Variants in CCDC186 observed in about 807,000 individuals in gnomAD.
CCDC186 encodes the protein coiled-coil domain-containing protein 186.
CCDC186 carries 49 observed loss-of-function variants against 113.7 expected under a neutral mutation model. That is an observed-to-expected ratio of 0.43 (90% confidence interval 0.34 to 0.55). The LOEUF is 0.55. Ranked by LOEUF, CCDC186 falls within the 20% of genes least tolerant of loss-of-function variation. CCDC186 has a pLI of 0.02. For missense variants in CCDC186, 890 were observed against 1,011.1 expected, an observed-to-expected ratio of 0.88 and a Z score of 1.62; for synonymous variants, 355 against 345.8, an observed-to-expected ratio of 1.03 and a Z score of -0.30.
chr10:114,132,197 AT>A lies in CCDC186; in HGVS notation c.1656-14del, dbSNP rs2031111311. On this transcript the variant is annotated splice_polypyrimidine_tract_variant and intron_variant, in intron 10 of 15. Transcript: ENST00000369287. The stretch of plus-strand genomic sequence containing the variant: ...TTCTTGCTTACCTCTAAAACACAAA[AT>A]TTATATTTAAGAAAAAATAAACCAT... The A allele has an allele frequency of 2.0e-6, 3 of 1,506,006 alleles. No homozygotes were observed. The highest frequency in any genetic ancestry group is 2.7e-6 in the Non-Finnish European group (3 of 1,112,966). The allele number at this position is 1,506,006 out of a possible 1,614,324, so 93.3% of individuals were successfully genotyped here.
intron 3 of CCDC186, among the ~76,000 whole-genome samples, chr10:114,154,960 T>TA (rs1309991673): frequency 6.6e-6 from 1 of 152,178 alleles, no homozygotes; most frequent in Non-Finnish European, 1.5e-5. Context: ...AACACTATGT[T>TA]AAATAAAAGA....
chr10:114,161,555 G>A lies in CCDC186; in HGVS notation c.632+1082C>T, dbSNP rs1001426230. On this transcript the variant is annotated intron_variant, in intron 2 of 15. Transcript: ENST00000369287. Reference sequence around the variant, plus strand: ...TCTAAAAGAATAGGTACAGGCTACAGGAAAATGAGAAAGTTACCCTATAAA... The same window carrying A: ...TCTAAAAGAATAGGTACAGGCTACAAGAAAATGAGAAAGTTACCCTATAAA... 2.6e-5 allele frequency: 4 copies of A among 152,128 alleles called. No individual in the cohort carries two copies. The South Asian group carries it at 8.3e-4, about 31-fold the overall frequency. The allele number at this position is 152,128 out of a possible 1,614,324, so 9.4% of individuals were successfully genotyped here.
chr10:114,137,021 G>A (rs937908131), intron 7 of CCDC186, among the ~76,000 whole-genome samples, 165 bp downstream of exon 7: 1 of 152,084 alleles, frequency 6.6e-6, no homozygotes, highest in Non-Finnish European at 1.5e-5. Flanking sequence ...GGAGGCTGGG[G>A]CAGGAGAATC....
chr10:114,148,406 C>A (rs1361808562), intron 4 of CCDC186, among the ~76,000 whole-genome samples: 1 of 152,072 alleles, frequency 6.6e-6, no homozygotes, highest in Non-Finnish European at 1.5e-5. Flanking sequence ...GGAAGACAGG[C>A]CAATTAAGGT....
chr10:114,136,195 T>C lies in CCDC186; in HGVS notation c.1378A>G (p.Lys460Glu), dbSNP rs201189333. The C allele has an allele frequency of 1.2e-6, 2 of 1,612,982 alleles. No individual in the cohort carries two copies. The highest frequency in any genetic ancestry group is 1.7e-6 in the Non-Finnish European group (2 of 1,179,890). The change falls in exon 8 of 16, where the codon AAA (lysine) becomes GAA (glutamate). Residue 460 changes from lysine (K) to glutamate (E), a missense_variant. Physicochemically the swap from Lys to Glu is moderately conservative, Grantham distance 56. Transcript: ENST00000369287. ...NELDAKLRVT[K>E]GELEKQMQEK... ...TGCATTTGTTTTTCAAGTTCTCCTT[T>C]TGTGACTCTAAGCTTTGCATCAAGC...
intron 1 of CCDC186, among the ~76,000 whole-genome samples, chr10:114,163,616 A>T (rs2032244708): frequency 6.6e-6 from 1 of 152,162 alleles, no homozygotes; most frequent in Non-Finnish European, 1.5e-5. Context: ...TCATCCCCAT[A>T]AGATGTTAGG....
intron 1 of CCDC186, 42 bp downstream of exon 1, chr10:114,173,973 C>T (rs1223147969): frequency 4.3e-6 from 2 of 464,976 alleles, no homozygotes; most frequent in Non-Finnish European, 4.4e-6. Flanking sequence ...GCACCGCCAC[C>T]GCGACTCACC....
chr10:114,128,755 T>G (rs1366415741), intron 13 of CCDC186, among the ~76,000 whole-genome samples: 3 of 152,196 alleles, frequency 2.0e-5, no homozygotes, highest in Admixed American at 6.5e-5. Context: ...AATCATAATT[T>G]TATAGACTCT....
chr10:114,173,883 G>C, intron 1 of CCDC186, 132 bp downstream of exon 1: 1 of 362,202 alleles, frequency 2.8e-6, no homozygotes, highest in Admixed American at 3.3e-5. Context: ...GAGCCCGCTC[G>C]ACCTCGACCT....
rs139675826 is a variant in CCDC186 at position 114,170,677 on chromosome 10, G to A, written c.-62+3338C>T. 9.2e-5 allele frequency among the ~76,000 whole-genome samples: 14 copies of A among 152,198 alleles called. No homozygotes were observed. In the East Asian group the frequency reaches 2.7e-3, roughly 29 times the overall value. Reference sequence around the variant, plus strand: ...AGTGAAACAGCATTAGAATAAAAAAGTTTCCTTTAGTTCACCAGTTTGAAA... The same window carrying A: ...AGTGAAACAGCATTAGAATAAAAAAATTTCCTTTAGTTCACCAGTTTGAAA... On this transcript the variant is annotated intron_variant, in intron 1 of 15. Coordinates refer to ENST00000369287, the MANE Select transcript of CCDC186 (RefSeq NM_018017.4).
At chr10:114,136,685 T>C (rs1337620750) in intron 7 of CCDC186, among the ~76,000 whole-genome samples, 1 of 152,216 alleles carries the variant, frequency 6.6e-6, no homozygotes, top group Non-Finnish European at 1.5e-5. Context: ...TTTTATTTGT[T>C]GGAAAAGTTC....
At chr10:114,139,899 G>A (rs967728828) in intron 6 of CCDC186, among the ~76,000 whole-genome samples, 2 of 152,120 alleles carry the variant, frequency 1.3e-5, no homozygotes, top group African/African-American at 2.4e-5. Flanking sequence ...TCAAAAAATA[G>A]CAATTGAGAG....
chr10:114,157,357 ATT>A (rs5788057), intron 3 of CCDC186, among the ~76,000 whole-genome samples, 195 bp downstream of exon 3: 16 of 130,160 alleles, frequency 1.2e-4, no homozygotes, highest in Admixed American at 2.3e-4. Flanking sequence ...CTAATTTTCT[ATT>A]TTTTTTTTTT....
chr10:114,145,747 A>G lies in CCDC186; in HGVS notation c.903T>C (p.Cys301=), dbSNP rs2031618034. Residue 301 remains cysteine (C), a synonymous_variant, in exon 5 of 16, where the codon TGT becomes TGC. Transcript: ENST00000369287. ...CTTCTTTTTCTTGGCGTGCCTCTTC[A>G]CATTTCTTGTTGGCCTTCAAAAAAA... ...AQRMEQANKK[C]EEARQEKEAM... is the part of the protein sequence containing the mutation. 3 of 1,581,668 alleles carry G rather than the reference A, an allele frequency of 1.9e-6. No homozygotes were observed. The East Asian group carries it at 6.7e-5, about 35-fold the overall frequency.
At position 114,122,798 on chromosome 10, in the gene CCDC186, G is replaced by A. The variant is rs140513403; in HGVS notation, c.*2345C>T. 3 of 152,260 alleles carry A rather than the reference G, an allele frequency of 2.0e-5. No homozygotes were observed. In the East Asian group the frequency reaches 5.8e-4, roughly 29 times the overall value. The allele number at this position is 152,260 out of a possible 1,614,324, so 9.4% of individuals were successfully genotyped here. A position where few individuals can be genotyped will look rare whatever the true frequency, so the allele number is the denominator to read the frequency against. On this transcript the variant is annotated 3_prime_UTR_variant, in exon 16 of 16. Transcript: ENST00000369287. ...AGCACACTGTAGACAGTGAAGAACA[G>A]AAGAAAACTAAAGCATTTTCTTTAA...
intron 1 of CCDC186, among the ~76,000 whole-genome samples, chr10:114,172,811 A>C (rs538803209): frequency 6.6e-6 from 1 of 152,236 alleles, no homozygotes; most frequent in Non-Finnish European, 1.5e-5. Context: ...ATGTTGGATA[A>C]AGAATTGAAG....
intron 6 of CCDC186, 71 bp downstream of exon 6, chr10:114,144,426 A>AAAAAAAAAAAC: frequency 6.5e-7 from 1 of 1,539,986 alleles, no homozygotes; most frequent in Admixed American, 2.1e-5. Context: ...CGTCTCAAAA[A>AAAAAAAAAAAC]AAAAACAAAA....
chr10:114,146,788 G>C (rs1365755728), intron 4 of CCDC186, among the ~76,000 whole-genome samples: 2 of 152,060 alleles, frequency 1.3e-5, no homozygotes, highest in African/African-American at 4.8e-5. Flanking sequence ...TGATGCAACT[G>C]AATTGAAGAA....
In CCDC186 at chr10:114,125,129, G is replaced by A. The variant is rs191183168; in HGVS notation, c.*14C>T. On this transcript the variant is annotated 3_prime_UTR_variant, in exon 16 of 16. Coordinates refer to ENST00000369287, the MANE Select transcript of CCDC186 (RefSeq NM_018017.4). Reference sequence around the variant, plus strand: ...TGTGTGGCTTTTGTCTCTTTACTGAGCAAGAGGCTTGTTTTAGGTTTTCTT... The same window carrying A: ...TGTGTGGCTTTTGTCTCTTTACTGAACAAGAGGCTTGTTTTAGGTTTTCTT... 6.3e-7 allele frequency: 1 copy of A among 1,586,110 alleles called. No homozygotes were observed. Among genetic ancestry groups the A allele is most frequent in the Non-Finnish European group, 8.6e-7 (1 of 1,162,122 alleles).
Sources: allele counts gnomAD v4.1 joint callset (sites outside exome capture counted in the v4.1 genomes callset), GRCh38; gene constraint gnomAD v4.1.1; transcripts MANE v1.5; gene names NCBI Gene and HGNC (gene_info 2026-07-23, HGNC 2026-07-21).